The following RAD51C variants were observed in gnomAD, a reference collection of about 807,000 sequenced individuals.
RAD51C encodes the protein RAD51 paralog C.
A neutral mutation model predicts 45.0 loss-of-function variants in RAD51C; 42 were observed. That is an observed-to-expected ratio of 0.93 (90% CI 0.73 to 1.21). The LOEUF is 1.21. Among genes scored for constraint, RAD51C ranks in the 50% most tolerant of loss-of-function variants. RAD51C has a pLI of 0.00. For synonymous variants in RAD51C, 172 were observed against 159.8 expected, an observed-to-expected ratio of 1.08 and a Z score of -0.58; for missense variants, 474 against 452.2, an observed-to-expected ratio of 1.05 and a Z score of -0.44.
intron 5 of RAD51C, among the ~76,000 whole-genome samples, chr17:58,719,703 T>G (rs1294771924): frequency 6.6e-6 from 1 of 151,320 alleles, no homozygotes; most frequent in African/African-American, 2.4e-5. Flanking sequence ...TTCAGGTAAC[T>G]ACATCTTTTT....
chr17:58,700,307 C>G (rs2048168407), intron 3 of RAD51C: 1 of 152,144 alleles, frequency 6.6e-6, no homozygotes, highest in Non-Finnish European at 1.5e-5. Flanking sequence ...AAGAGGGTGG[C>G]AGGAAAAGGA....
At chr17:58,727,763 A>G (rs1373991700) in intron 7 of RAD51C, among the ~76,000 whole-genome samples, 1 of 151,990 alleles carries the variant, frequency 6.6e-6, no homozygotes, top group African/African-American at 2.4e-5. Context: ...CACCACCTCT[A>G]TAGATAATAA....
chr17:58,694,811 T>C (rs1421739266), intron 1 of RAD51C, 120 bp from the exon 2 acceptor site: 25 of 1,011,724 alleles, frequency 2.5e-5, no homozygotes, highest in Non-Finnish European at 3.8e-5. Flanking sequence ...AATGTTGCAT[T>C]TTTATGTTTC....
chr17:58,734,123 G>C lies in RAD51C; in HGVS notation c.1032G>C (p.Gln344His), dbSNP rs876658609. Residue 344 changes from glutamine (Q) to histidine (H), a missense_variant, in exon 9 of 9, where the codon CAG (glutamine) becomes CAC (histidine). Gln to His is a conservative substitution (Grantham distance 24). Transcript: ENST00000337432. The stretch of plus-strand genomic sequence containing the variant: ...ATATATTTTTTATCTTTCAGCCTCA[G>C]GGATTTAGAGATACTGTTGTTACTT... ...ECTVLFQIKP[Q>H]GFRDTVVTSA... 6.2e-7 allele frequency: 1 copy of C among 1,612,672 alleles called. No individual in the cohort carries two copies. Among genetic ancestry groups the C allele is most frequent in the South Asian group, 1.1e-5 (1 of 90,814 alleles).
chr17:58,706,629 GAT>G, intron 4 of RAD51C: 1 of 377,266 alleles, frequency 2.7e-6, no homozygotes, highest in South Asian at 2.0e-5. Flanking sequence ...CAGCTCTGAG[GAT>G]CTGTGATCCC....
rs1201480798 is a variant in RAD51C at position 58,726,612 on chromosome 17, GTA to G, written c.965+2518_965+2519del. Among the ~76,000 whole-genome samples the G allele has an allele frequency of 4.1e-5, 6 of 147,944 alleles. No individual in the cohort carries two copies. In the East Asian group the frequency reaches 1.2e-3, roughly 29 times the overall value. On this transcript the variant is annotated intron_variant, in intron 7 of 8. Transcript: ENST00000337432. ...GATGTATATATGTATATACGTGTAT[GTA>G]TATATGTGTATACGTATAGATGTAT...
intron 4 of RAD51C, among the ~76,000 whole-genome samples, chr17:58,704,460 T>G (rs886624947): frequency 1.3e-5 from 2 of 151,908 alleles, no homozygotes; most frequent in Non-Finnish European, 2.9e-5. Context: ...TTTTTATATT[T>G]TTGGTAGAAA....
chr17:58,732,198 C>T (rs1304288770), intron 7 of RAD51C: 2 of 297,422 alleles, frequency 6.7e-6, no homozygotes, highest in East Asian at 6.9e-5. Flanking sequence ...TTTTCTTCCA[C>T]GTTTAGTTTT....
intron 5 of RAD51C, among the ~76,000 whole-genome samples, chr17:58,713,007 T>C (rs1334527718): frequency 6.6e-6 from 1 of 151,940 alleles, no homozygotes; most frequent in African/African-American, 2.4e-5. Flanking sequence ...GCACCTATAG[T>C]TCTAGCTACT....
chr17:58,733,352 GA>G (rs1421465657), intron 8 of RAD51C, among the ~76,000 whole-genome samples: 7 of 152,044 alleles, frequency 4.6e-5, no homozygotes, highest in Non-Finnish European at 1.0e-4. Flanking sequence ...CAGAAATAGA[GA>G]TTCTGAAACT....
At chr17:58,709,394 A>C (rs2048477483) in intron 4 of RAD51C, among the ~76,000 whole-genome samples, 2 of 152,054 alleles carry the variant, frequency 1.3e-5, no homozygotes, top group African/African-American at 4.8e-5. Flanking sequence ...TACTTTTTTA[A>C]AGTTGAGAAA....
At chr17:58,730,425 C>T (rs1156905396) in intron 7 of RAD51C, among the ~76,000 whole-genome samples, 1 of 151,760 alleles carries the variant, frequency 6.6e-6, no homozygotes, top group Non-Finnish European at 1.5e-5. Flanking sequence ...GATCTGCCTG[C>T]CTCAGCCTCC....
intron 6 of RAD51C, among the ~76,000 whole-genome samples, chr17:58,722,566 A>C (rs1473028050): frequency 2.0e-5 from 3 of 152,186 alleles, no homozygotes; most frequent in African/African-American, 7.2e-5. Flanking sequence ...CAATCCCACC[A>C]TTAGCTTTCT....
intron 7 of RAD51C, among the ~76,000 whole-genome samples, chr17:58,729,820 C>T (rs1306400108): frequency 3.3e-5 from 5 of 152,106 alleles, no homozygotes; most frequent in Non-Finnish European, 2.9e-5. Context: ...GACCTGCCCA[C>T]CTCAGCCTCC....
At chr17:58,729,904 T>C (rs893679356) in intron 7 of RAD51C, among the ~76,000 whole-genome samples, 1 of 152,090 alleles carries the variant, frequency 6.6e-6, no homozygotes, top group Admixed American at 6.6e-5. Flanking sequence ...TGTAAATGCT[T>C]CTTAAAAGCT....
At chr17:58,713,201 TAA>T (rs1231984109) in intron 5 of RAD51C, among the ~76,000 whole-genome samples, 2 of 152,206 alleles carry the variant, frequency 1.3e-5, no homozygotes, top group Non-Finnish European at 1.5e-5. Flanking sequence ...GTTTTTCACT[TAA>T]TATATTGTGA....
chr17:58,714,583 C>G (rs1024628615), intron 5 of RAD51C, among the ~76,000 whole-genome samples: 1 of 152,110 alleles, frequency 6.6e-6, no homozygotes, highest in Admixed American at 6.6e-5. Context: ...CTCAGCCTCC[C>G]GAGTAGCTGG....
intron 7 of RAD51C, among the ~76,000 whole-genome samples, chr17:58,729,321 G>A (rs987833716): frequency 2.0e-5 from 3 of 151,940 alleles, no homozygotes; most frequent in Admixed American, 6.6e-5. Context: ...GGGTTCAATC[G>A]ATTCTTCTGC....
chr17:58,735,146 A>T lies in RAD51C; in HGVS notation c.*924A>T, dbSNP rs2049589143. ...GTTATCTCATCTAGAGATTGTTTGG[A>T]ACATATGTCTTCCAGAATAGGTTGA... On this transcript the variant is annotated 3_prime_UTR_variant, in exon 9 of 9. Transcript: ENST00000337432. 1 of 152,132 alleles carries T rather than the reference A, an allele frequency of 6.6e-6. No individual in the cohort carries two copies. The highest frequency in any genetic ancestry group is 1.9e-4 in the East Asian group (1 of 5,202). The allele number at this position is 152,132 out of a possible 1,614,324, so 9.4% of individuals were successfully genotyped here. A position where few individuals can be genotyped will look rare whatever the true frequency, so the allele number is the denominator to read the frequency against.
Sources: allele counts gnomAD v4.1 joint callset (sites outside exome capture counted in the v4.1 genomes callset), GRCh38; gene constraint gnomAD v4.1.1; transcripts MANE v1.5; gene names NCBI Gene and HGNC (gene_info 2026-07-23, HGNC 2026-07-21).